DDX27: variants seen among roughly 807,000 people sequenced by gnomAD.
DDX27 encodes probable ATP-dependent RNA helicase DDX27.
Under a neutral mutation model 99.3 loss-of-function variants are expected in DDX27, and 42 were observed. The observed-to-expected ratio is 0.42, with a 90% CI of 0.33 to 0.55. DDX27 has a LOEUF of 0.55. DDX27 is among the 20% of genes least tolerant of loss of function. The pLI is 0.07. For synonymous variants in DDX27, 329 were observed against 353.8 expected, an observed-to-expected ratio of 0.93 and a Z score of 0.79; for missense variants, 798 against 976.8, an observed-to-expected ratio of 0.82 and a Z score of 2.44.
chr20:49,222,194 G>A lies in DDX27; in HGVS notation c.240+596G>A, dbSNP rs537574635. Among the ~76,000 whole-genome samples the A allele has an allele frequency of 3.3e-5, 5 of 151,842 alleles. No individual in the cohort carries two copies. In the South Asian group the frequency reaches 8.3e-4, roughly 25 times the overall value. On this transcript the variant is annotated intron_variant, in intron 2 of 20. Coordinates refer to ENST00000618172, the MANE Select transcript of DDX27 (RefSeq NM_017895.8). ...ATTGCTTAGGCTGGAGTGTAATGGC[G>A]CCATCTCAGCTCACTGCAACCTCTG...
chr20:49,239,154 A>T (rs1218113674), intron 15 of DDX27, 82 bp from the exon 16 acceptor site: 5 of 1,531,616 alleles, frequency 3.3e-6, no homozygotes, highest in Admixed American at 1.7e-5. Flanking sequence ...CTCCCATCAG[A>T]GCCCCAGGCA....
At chr20:49,239,914 A>G (rs984589152) in intron 16 of DDX27, among the ~76,000 whole-genome samples, 48 of 152,270 alleles carry the variant, frequency 3.2e-4, no homozygotes, top group Admixed American at 5.9e-4. Flanking sequence ...GATACATGCC[A>G]TAAGGATGAA....
intron 3 of DDX27, 114 bp downstream of exon 3, chr20:49,223,130 C>G (rs1310577451): frequency 5.9e-6 from 8 of 1,356,504 alleles, no homozygotes; most frequent in Non-Finnish European, 8.2e-6. Context: ...GGCAGGCGCA[C>G]TCTTCTGTGT....
intron 1 of DDX27, among the ~76,000 whole-genome samples, 163 bp downstream of exon 1, chr20:49,219,704 A>C (rs1163312550): frequency 2.0e-5 from 3 of 152,032 alleles, no homozygotes; most frequent in Non-Finnish European, 2.9e-5. Flanking sequence ...CCCCGCCACT[A>C]GGTTATCTCT....
At chr20:49,225,750 C>T (rs958411861) in intron 6 of DDX27, among the ~76,000 whole-genome samples, 8 of 152,192 alleles carry the variant, frequency 5.3e-5, no homozygotes, top group South Asian at 2.1e-4. Flanking sequence ...CCACCGCGCC[C>T]GGCCGAGAAC....
intron 7 of DDX27, among the ~76,000 whole-genome samples, chr20:49,227,616 C>T (rs1194530318): frequency 1.3e-5 from 2 of 152,098 alleles, no homozygotes; most frequent in Non-Finnish European, 2.9e-5. Context: ...ATACACCTGC[C>T]TCAGCCTCTC....
chr20:49,228,630 G>A (rs1979984808), intron 7 of DDX27, 85 bp from the exon 8 acceptor site: 4 of 1,252,968 alleles, frequency 3.2e-6, no homozygotes, highest in Middle Eastern at 2.1e-4. Context: ...CCAACCAGAC[G>A]TAGTTTTTCT....
intron 9 of DDX27, chr20:49,232,679 G>A (rs13038866): frequency 0.2 from 29,636 of 151,966 alleles, 2,930 homozygotes; most frequent in Non-Finnish European, 0.22. Context: ...CAGGAGAATG[G>A]CGTGAACCTG....
intron 1 of DDX27, among the ~76,000 whole-genome samples, chr20:49,220,169 A>G (rs1165765229): frequency 1.3e-5 from 2 of 152,048 alleles, no homozygotes; most frequent in African/African-American, 4.8e-5. Flanking sequence ...CTACAAATTC[A>G]ACTCCTCCAA....
chr20:49,225,082 T>TTCTCTTC (rs1568972017), intron 5 of DDX27, 31 bp from the exon 6 acceptor site: 1 of 1,612,566 alleles, frequency 6.2e-7, no homozygotes, highest in East Asian at 2.2e-5. Flanking sequence ...TTTTGTTGAA[T>TTCTCTTC]TCTCTTCTCT....
At chr20:49,235,118 C>T in intron 12 of DDX27, 30 bp downstream of exon 12, 1 of 1,562,026 alleles carries the variant, frequency 6.4e-7, no homozygotes, top group African/African-American at 1.4e-5. Context: ...CTGAGGCTCC[C>T]ACCATCCTTC....
chr20:49,223,513 A>G, intron 4 of DDX27, 80 bp downstream of exon 4: 1 of 1,293,302 alleles, frequency 7.7e-7, no homozygotes, highest in Non-Finnish European at 1.1e-6. Flanking sequence ...GGTTTCCTCC[A>G]CTCTTCTGCA....
At chr20:49,221,343 C>G in intron 1 of DDX27, 109 bp from the exon 2 acceptor site, 1 of 1,326,598 alleles carries the variant, frequency 7.5e-7, no homozygotes, top group East Asian at 2.4e-5. Context: ...GTGCCTTCGC[C>G]TCCTAAAGTG....
chr20:49,223,121 G>GA, intron 3 of DDX27, 105 bp downstream of exon 3: 1 of 1,356,996 alleles, frequency 7.4e-7, no homozygotes, highest in Non-Finnish European at 1.0e-6. Context: ...CATGGCTGGG[G>GA]CAGGCGCACT....
chr20:49,231,537 T>C (rs1980111274), intron 9 of DDX27, among the ~76,000 whole-genome samples: 1 of 152,240 alleles, frequency 6.6e-6, no homozygotes. Context: ...GAGACAGCTC[T>C]GTGTGATACC....
chr20:49,225,358 G>A (rs1443226432), intron 6 of DDX27, among the ~76,000 whole-genome samples, 159 bp downstream of exon 6: 2 of 151,724 alleles, frequency 1.3e-5, no homozygotes, highest in Non-Finnish European at 2.9e-5. Context: ...GCTTATTTTG[G>A]CAACCATGGG....
intron 20 of DDX27, 37 bp downstream of exon 20, chr20:49,243,740 G>A: frequency 1.2e-6 from 2 of 1,613,502 alleles, no homozygotes; most frequent in Non-Finnish European, 1.7e-6. Context: ...TAGGTTTTGG[G>A]ATTAGAGATA....
chr20:49,230,734 C>T (rs1980080124), intron 9 of DDX27, among the ~76,000 whole-genome samples: 1 of 152,200 alleles, frequency 6.6e-6, no homozygotes, highest in Non-Finnish European at 1.5e-5. Context: ...CACAGGGCCT[C>T]TGTGACTGCA....
In DDX27 at chr20:49,241,812, A is replaced by G. The variant is rs769552789; in HGVS notation, c.1898-81A>G. The G allele has an allele frequency of 2.0e-5, 30 of 1,466,046 alleles. No homozygotes were observed. The Admixed American group carries it at 2.5e-4, about 12-fold the overall frequency. The allele number at this position is 1,466,046 out of a possible 1,614,324, so 90.8% of individuals were successfully genotyped here. ...TTCATTTTAATCTGCTAACTTACCAATTGAAAACGTGCACTTCTTATCGTA... is the reference window on the plus strand; with the variant it reads ...TTCATTTTAATCTGCTAACTTACCAGTTGAAAACGTGCACTTCTTATCGTA... On this transcript the variant is annotated intron_variant, in intron 16 of 20. Transcript: ENST00000618172.
Sources: gnomAD v4.1 joint callset for allele counts (sites outside exome capture counted in the v4.1 genomes callset) on GRCh38, gnomAD v4.1.1 for gene constraint, MANE v1.5 for transcripts, NCBI Gene and HGNC (gene_info 2026-07-23, HGNC 2026-07-21) for gene names.